Variants in LDLRAD2 observed in about 807,000 individuals in gnomAD.
The protein encoded by LDLRAD2 is low-density lipoprotein receptor class A domain-containing protein 2.
LDLRAD2 carries 25 observed loss-of-function variants against 24.9 expected under a neutral mutation model. The ratio of observed to expected loss-of-function variants is 1.00; its 90% CI spans 0.73 to 1.40. The LOEUF (loss-of-function observed/expected upper bound fraction) is 1.40, where lower values mean the gene tolerates loss of function less well. Ranked by LOEUF, LDLRAD2 falls within the 40% of genes most tolerant of loss-of-function variation. The probability of loss-of-function intolerance (pLI) is 0.00; values close to 1 mark genes in which losing one functional copy is unlikely to be tolerated. For synonymous variants in LDLRAD2, 182 were observed against 166.7 expected (o/e 1.09, Z -0.71); for missense variants, 391 against 366.2 (o/e 1.07, Z -0.55).
At chr1:21,815,873 G>A in intron 2 of LDLRAD2, 70 bp from the exon 3 acceptor site, 1 of 1,571,520 alleles carries the variant, frequency 6.4e-7, no homozygotes, top group Non-Finnish European at 8.7e-7. Flanking sequence ...GTCACCATGG[G>A]GGCCACACAT....
In LDLRAD2 at chr1:21,814,677, C is replaced by T; in HGVS notation, c.365C>T (p.Ala122Val). 1 of 1,569,136 alleles carries T rather than the reference C, an allele frequency of 6.4e-7. No homozygotes were observed. Among genetic ancestry groups the T allele is most frequent in the Non-Finnish European group, 8.6e-7 (1 of 1,158,288 alleles). ...CAGTTCTACGAGGGCCCGCCGGGGG[C>T]GCCCCGGCCCCTGGGGTCCCCACTG... The part of the protein sequence containing the change: ...YLQFYEGPPG[A>V]PRPLGSPLCG... The change falls in exon 2 of 5, where the codon GCG becomes GTG. Residue 122 changes from alanine (A) to valine (V), a missense_variant. Ala to Val is a moderately conservative substitution (Grantham distance 64). Transcript: ENST00000344642.
Position 21,814,738 on chromosome 1 carries a change from C to A in LDLRAD2, c.426C>A (p.Ser142=), listed in dbSNP as rs750473998. 1 of 1,547,484 alleles carries A rather than the reference C, an allele frequency of 6.5e-7. No homozygotes were observed. The highest frequency in any genetic ancestry group is 8.7e-7 in the Non-Finnish European group (1 of 1,148,866). ...ACATCCCGGTGCCTGTGGCATCCTC[C>A]GGACCCTTTCTAGGCCTGCGCCTGG... ...GLNIPVPVAS[S]GPFLGLRLVT... The change falls in exon 2 of 5, where the codon TCC becomes TCA. Residue 142 remains serine (S), a synonymous_variant. Transcript: ENST00000344642.
rs1411528037 is a variant in LDLRAD2, at chr1:21,822,208, C to G, written c.812C>G (p.Thr271Ser). ...TGCTCTGCCCCATCCACAGGCTCCA[C>G]TGAGTGAAGCCCTCATCAAAGACTC... ...TRQDAALEGS[T>S]E Residue 271 changes from threonine to serine, a missense_variant, in exon 5 of 5, where the codon ACT becomes AGT. Transcript: ENST00000344642. 3.7e-6 allele frequency: 6 copies of G among 1,614,178 alleles called. 1 individual carries two copies. In the South Asian group the frequency reaches 6.6e-5, roughly 18 times the overall value.
In LDLRAD2 at chr1:21,814,506, G is replaced by T; in HGVS notation, c.194G>T (p.Gly65Val). 1.2e-6 allele frequency: 2 copies of T among 1,612,628 alleles called. No homozygotes were observed. The highest frequency in any genetic ancestry group is 1.7e-6 in the Non-Finnish European group (2 of 1,179,738). Residue 65 changes from glycine (G) to valine (V), a missense_variant, in exon 2 of 5, where the codon GGG (glycine) becomes GTG (valine). Coordinates refer to ENST00000344642, the MANE Select transcript of LDLRAD2 (RefSeq NM_001013693.3). ...TTCGTGGCTCCGGACACCGACTGCGGGCTCTGGGTGCAGGCGGCAGCCCCC... is the reference window on the plus strand; with the variant it reads ...TTCGTGGCTCCGGACACCGACTGCGTGCTCTGGGTGCAGGCGGCAGCCCCC... ...FYFVAPDTDC[G>V]LWVQAAAPGD...
rs1303012444 is a variant in LDLRAD2, at chr1:21,823,948, G to A, written c.*1733G>A. 8 of 775,318 alleles carry A rather than the reference G, an allele frequency of 1.0e-5. No homozygotes were observed. The highest frequency in any genetic ancestry group is 5.1e-5 in the African/African-American group (3 of 58,346). The allele number at this position is 775,318 out of a possible 1,614,324, so 48.0% of individuals were successfully genotyped here. A position where few individuals can be genotyped will look rare whatever the true frequency, so the allele number is the denominator to read the frequency against. On this transcript the variant is annotated 3_prime_UTR_variant, in exon 5 of 5. Coordinates refer to ENST00000344642, the MANE Select transcript of LDLRAD2 (RefSeq NM_001013693.3). Reference sequence around the variant, plus strand: ...CCTGGGGCACTCGCCTGCCCCCAGCGGAGTTCAGTCCGAGATGGAAGCCCG... The same window carrying A: ...CCTGGGGCACTCGCCTGCCCCCAGCAGAGTTCAGTCCGAGATGGAAGCCCG...
Position 21,814,432 on chromosome 1 carries a change from G to C in LDLRAD2, c.120G>C (p.Gln40His), listed in dbSNP as rs1410885183. The stretch of plus-strand genomic sequence containing the variant: ...CGGAACTGTGCGGGCAGACGTGGCA[G>C]GGGGACGGGCTGCTGCTGCGCTCGC... ...DLAELCGQTW[Q>H]GDGLLLRSHA... The change falls in exon 2 of 5, where the codon CAG becomes CAC. Residue 40 changes from glutamine (Q) to histidine (H), a missense_variant. Gln to His is a conservative substitution (Grantham distance 24). Transcript: ENST00000344642. 4.4e-6 allele frequency: 7 copies of C among 1,608,706 alleles called. No homozygotes were observed. Among genetic ancestry groups the C allele is most frequent in the Admixed American group, 1.7e-5 (1 of 59,806 alleles).
rs1253222141 is a variant in LDLRAD2 at position 21,821,596 on chromosome 1, G to A, written c.790G>A (p.Asp264Asn). The change falls in exon 4 of 5, where the codon GAC (aspartate) becomes AAC (asparagine). Residue 264 changes from aspartate (D) to asparagine (N), a missense_variant. By Grantham distance (23) the Asp-to-Asn change is conservative (BLOSUM62 1). Transcript: ENST00000344642. The stretch of plus-strand genomic sequence containing the variant: ...AGCAGGCAGGGACCCCACGAGACAA[G>A]ACGCAGCTTTGGAAGGTTACACCTT... Reference protein sequence around the residue: ...SPAGRDPTRQDAALEGSTE With the variant: ...SPAGRDPTRQNAALEGSTE 1.9e-6 allele frequency: 3 copies of A among 1,613,880 alleles called. No individual in the cohort carries two copies. The highest frequency in any genetic ancestry group is 1.7e-6 in the Non-Finnish European group (2 of 1,179,970).
Position 21,822,500 on chromosome 1 carries a change from G to A in LDLRAD2, c.*285G>A, listed in dbSNP as rs561815621. 11 of 368,534 alleles carry A rather than the reference G, an allele frequency of 3.0e-5. No homozygotes were observed. Among genetic ancestry groups the A allele is most frequent in the Non-Finnish European group, 4.2e-5 (8 of 192,050 alleles). The allele number at this position is 368,534 out of a possible 1,614,324, so 22.8% of individuals were successfully genotyped here. A position where few individuals can be genotyped will look rare whatever the true frequency, so the allele number is the denominator to read the frequency against. On this transcript the variant is annotated 3_prime_UTR_variant, in exon 5 of 5. Transcript: ENST00000344642. ...GAGCACCAGCGGCATCCGTCCGTCC[G>A]TTGTCTGTTGGAGGAGTCCCTGGGC... is the stretch of plus-strand genomic sequence containing the variant.
intron 1 of LDLRAD2, among the ~76,000 whole-genome samples, chr1:21,814,134 T>G (rs934420716): frequency 1.3e-5 from 2 of 152,208 alleles, no homozygotes; most frequent in African/African-American, 2.4e-5. Context: ...GCCTCCAAAG[T>G]GCTGGGATTA....
rs200897902 is a variant in LDLRAD2, at chr1:21,814,744, C to T, written c.432C>T (p.Pro144=). 2.0e-6 allele frequency: 3 copies of T among 1,532,940 alleles called. No homozygotes were observed. Among genetic ancestry groups the T allele is most frequent in the South Asian group, 1.2e-5 (1 of 82,540 alleles). The allele number at this position is 1,532,940 out of a possible 1,614,324, so 95.0% of individuals were successfully genotyped here. A position where few individuals can be genotyped will look rare whatever the true frequency, so the allele number is the denominator to read the frequency against. Residue 144 remains proline (P), a synonymous_variant, in exon 2 of 5, where the codon CCC becomes CCT. Transcript: ENST00000344642. ...NIPVPVASSG[P]FLGLRLVTRG... Reference sequence around the variant, plus strand: ...CGGTGCCTGTGGCATCCTCCGGACCCTTTCTAGGCCTGCGCCTGGTCACGA... The same window carrying T: ...CGGTGCCTGTGGCATCCTCCGGACCTTTTCTAGGCCTGCGCCTGGTCACGA...
intron 3 of LDLRAD2, among the ~76,000 whole-genome samples, chr1:21,818,107 C>T (rs1186278642): frequency 1.2e-5 from 1 of 84,814 alleles, no homozygotes; most frequent in African/African-American, 5.1e-5. Flanking sequence ...AAACTCCTGA[C>T]CTCAAGTGAT....
At position 21,814,709 on chromosome 1, in the gene LDLRAD2, C is replaced by T; in HGVS notation, c.397C>T (p.Leu133=). ...PRPLGSPLCG[L]NIPVPVASSG... ...GCCCCTGGGGTCCCCACTGTGCGGC[C>T]TGAACATCCCGGTGCCTGTGGCATC... Residue 133 remains leucine (L), a synonymous_variant, in exon 2 of 5, where the codon CTG becomes TTG. Coordinates refer to ENST00000344642, the MANE Select transcript of LDLRAD2 (RefSeq NM_001013693.3). 6.4e-7 allele frequency: 1 copy of T among 1,563,848 alleles called. No homozygotes were observed. Among genetic ancestry groups the T allele is most frequent in the African/African-American group, 1.4e-5 (1 of 73,462 alleles).
At chr1:21,821,013 A>G (rs1163925514) in intron 3 of LDLRAD2, among the ~76,000 whole-genome samples, 1 of 152,142 alleles carries the variant, frequency 6.6e-6, no homozygotes, top group African/African-American at 2.4e-5. Flanking sequence ...CTTGGGCAAC[A>G]TAGTGAGATC....
rs934469069 is a variant in LDLRAD2 at position 21,824,433 on chromosome 1, A to T, written c.*2218A>T. The T allele has an allele frequency of 7.5e-6, 12 of 1,604,810 alleles. No homozygotes were observed. In the Admixed American group the frequency reaches 1.7e-4, roughly 22 times the overall value. On this transcript the variant is annotated 3_prime_UTR_variant, in exon 5 of 5. Coordinates refer to ENST00000344642, the MANE Select transcript of LDLRAD2 (RefSeq NM_001013693.3). The surrounding 1 kb of genome is among the most constrained non-coding windows in gnomAD (Gnocchi z 5.9). Reference sequence around the variant, plus strand: ...CCAGCCTGGAGAGCAGAGGCTGCCGAGGCCAGGGGGCTCTGCTTTCCCCTC... The same window carrying T: ...CCAGCCTGGAGAGCAGAGGCTGCCGTGGCCAGGGGGCTCTGCTTTCCCCTC...
chr1:21,818,006 A>G (rs142091798), intron 3 of LDLRAD2, among the ~76,000 whole-genome samples: 12 of 152,076 alleles, frequency 7.9e-5, no homozygotes, highest in South Asian at 6.2e-4. Flanking sequence ...CCTCCGGTGT[A>G]GCTGGGATTA....
At position 21,823,492 on chromosome 1, in the gene LDLRAD2, C is replaced by A; in HGVS notation, c.*1277C>A. 6.2e-7 allele frequency: 1 copy of A among 1,604,266 alleles called. No homozygotes were observed. ...GTGGCCACGTCAGGGGCTCCGCCTG[C>A]CGGGAGGTGAGAGGACAGGGCCTGT... On this transcript the variant is annotated 3_prime_UTR_variant, in exon 5 of 5. Transcript: ENST00000344642.
chr1:21,815,895 G>A (rs750029714), intron 2 of LDLRAD2, 48 bp from the exon 3 acceptor site: 9 of 1,606,522 alleles, frequency 5.6e-6, no homozygotes, highest in South Asian at 1.1e-5. Context: ...CTGCTGTGTC[G>A]TGGGCTGGAC....
intron 1 of LDLRAD2, among the ~76,000 whole-genome samples, chr1:21,813,695 T>C (rs2097940746): frequency 6.6e-6 from 1 of 152,190 alleles, no homozygotes; most frequent in Admixed American, 6.5e-5. Flanking sequence ...AGAGTGGTCA[T>C]AGGTGATTCC....
In LDLRAD2 at chr1:21,814,450, G is replaced by GCGCT; in HGVS notation, c.142_145dup (p.His49LeufsTer145). 6.2e-7 allele frequency: 1 copy of GCGCT among 1,610,612 alleles called. No homozygotes were observed. Among genetic ancestry groups the GCGCT allele is most frequent in the South Asian group, 1.1e-5 (1 of 90,924 alleles). ...CGTGGCAGGGGGACGGGCTGCTGCTGCGCTCGCACGCCGCATCGCGCAGGT... is the reference window on the plus strand; with the variant it reads ...CGTGGCAGGGGGACGGGCTGCTGCTGCGCTCGCTCGCACGCCGCATCGCGCAGGT... On this transcript the variant is annotated frameshift_variant, in exon 2 of 5. Transcript: ENST00000344642. LOFTEE classifies it high-confidence loss of function.
Sources: allele counts gnomAD v4.1 joint callset (sites outside exome capture counted in the v4.1 genomes callset), GRCh38; gene constraint gnomAD v4.1.1; non-coding constraint Gnocchi (gnomAD v3.1); transcripts MANE v1.5; gene names NCBI Gene and HGNC (gene_info 2026-07-23, HGNC 2026-07-21).